The following ZNF804B variants were observed in gnomAD, a reference collection of about 807,000 sequenced individuals.
ZNF804B encodes zinc finger 804B.
A neutral mutation model predicts 101.4 loss-of-function variants in ZNF804B; 80 were observed. The observed-to-expected ratio is 0.79, with a 90% confidence interval of 0.66 to 0.95. The LOEUF is 0.95. ZNF804B is among the 40% of genes least tolerant of loss of function. The probability of loss-of-function intolerance (pLI) is 0.00; values close to 1 mark genes in which losing one functional copy is unlikely to be tolerated. For missense variants in ZNF804B, 1,673 were observed against 1,561.9 expected (o/e 1.07, Z -1.20); for synonymous variants, 622 against 558.8 (o/e 1.11, Z -1.59).
At chr7:89,181,018 ACT>A (rs1002024773) in intron 1 of ZNF804B, among the ~76,000 whole-genome samples, 2 of 150,050 alleles carry the variant, frequency 1.3e-5, no homozygotes, top group African/African-American at 4.9e-5. Flanking sequence ...GGGCCTTAAA[ACT>A]CTGCCTGGTA....
At chr7:88,865,228 CAA>C (rs10706264) in intron 1 of ZNF804B, among the ~76,000 whole-genome samples, 3,383 of 115,752 alleles carry the variant, frequency 0.029, 72 homozygotes, top group African/African-American at 0.07. Context: ...GACTTCGTAT[CAA>C]AAAAAAAAAA....
chr7:89,072,870 A>G (rs1789562979), intron 1 of ZNF804B, among the ~76,000 whole-genome samples: 1 of 152,110 alleles, frequency 6.6e-6, no homozygotes, highest in African/African-American at 2.4e-5. Context: ...CTCTTAAACT[A>G]TATATCATAA....
chr7:88,879,715 C>T lies in ZNF804B; in HGVS notation c.108+119631C>T, dbSNP rs1315411051. On this transcript the variant is annotated intron_variant, in intron 1 of 3. Transcript: ENST00000333190. ...TGGAAATTCAATTTTTAAAGCTTCC[C>T]GAGTTAAGTCTAAAGTGTAGGTAGA... 2.0e-5 allele frequency among the ~76,000 whole-genome samples: 3 copies of T among 151,920 alleles called. No homozygotes were observed. The South Asian group carries it at 6.2e-4, about 32-fold the overall frequency.
At chr7:89,292,941 G>A (rs1435589429) in intron 2 of ZNF804B, among the ~76,000 whole-genome samples, 1 of 151,890 alleles carries the variant, frequency 6.6e-6, no homozygotes, top group Non-Finnish European at 1.5e-5. Flanking sequence ...CTATAAAACA[G>A]TGGTGAGAAA....
At chr7:88,794,919 C>A (rs1324294142) in intron 1 of ZNF804B, 2 of 1,599,544 alleles carry the variant, frequency 1.3e-6, no homozygotes, top group Non-Finnish European at 1.7e-6. Context: ...TGCTGCCCTT[C>A]TGGTTATGGA....
chr7:88,768,028 T>A (rs1278794394), intron 1 of ZNF804B, among the ~76,000 whole-genome samples: 1 of 152,208 alleles, frequency 6.6e-6, no homozygotes, highest in Non-Finnish European at 1.5e-5. Flanking sequence ...TTGGGGTAAG[T>A]CTGCTGTCAT....
intron 2 of ZNF804B, among the ~76,000 whole-genome samples, chr7:89,236,771 T>A (rs1789288990): frequency 6.6e-6 from 1 of 152,164 alleles, no homozygotes; most frequent in Middle Eastern, 3.2e-3. Context: ...ACATGGCTCA[T>A]CTCGCTGTAT....
intron 1 of ZNF804B, among the ~76,000 whole-genome samples, chr7:88,859,925 A>G (rs1791622967): frequency 6.6e-6 from 1 of 151,868 alleles, no homozygotes; most frequent in Non-Finnish European, 1.5e-5. Flanking sequence ...CTTCAAAAAG[A>G]ATAAAGTTAT....
intron 2 of ZNF804B, among the ~76,000 whole-genome samples, chr7:89,254,771 C>T (rs1051319446): frequency 2.6e-5 from 4 of 151,624 alleles, no homozygotes; most frequent in Admixed American, 2.0e-4. Flanking sequence ...TCAGCGTCCC[C>T]AGTAGCTGGG....
intron 1 of ZNF804B, among the ~76,000 whole-genome samples, chr7:88,926,440 A>AAT (rs2116008785): frequency 6.6e-6 from 1 of 150,964 alleles, no homozygotes; most frequent in African/African-American, 2.4e-5. Context: ...TACAAAAAAA[A>AAT]AAAAAATAGC....
At chr7:89,313,062 C>G (rs551099129) in intron 2 of ZNF804B, among the ~76,000 whole-genome samples, 2 of 152,298 alleles carry the variant, frequency 1.3e-5, no homozygotes, top group South Asian at 2.1e-4. Flanking sequence ...GATTTCAGAA[C>G]AGGCTGGACT....
At chr7:89,179,855 A>C (rs1350189499) in intron 1 of ZNF804B, among the ~76,000 whole-genome samples, 1 of 152,186 alleles carries the variant, frequency 6.6e-6, no homozygotes, top group Non-Finnish European at 1.5e-5. Flanking sequence ...CCACATCTGC[A>C]TTAGAGGGTG....
intron 1 of ZNF804B, among the ~76,000 whole-genome samples, chr7:89,202,176 A>G (rs1028063915): frequency 6.6e-6 from 1 of 152,140 alleles, no homozygotes; most frequent in Non-Finnish European, 1.5e-5. Context: ...CAAGAGCACC[A>G]TAGAAATGTG....
At chr7:88,822,880 T>C (rs1464989980) in intron 1 of ZNF804B, among the ~76,000 whole-genome samples, 1 of 152,170 alleles carries the variant, frequency 6.6e-6, no homozygotes, top group African/African-American at 2.4e-5. Context: ...ATGGCAGATA[T>C]ATTGTTAGAA....
At chr7:89,087,901 T>A (rs961942593) in intron 1 of ZNF804B, among the ~76,000 whole-genome samples, 2 of 151,816 alleles carry the variant, frequency 1.3e-5, no homozygotes, top group African/African-American at 4.8e-5. Context: ...CATGTTCAAT[T>A]AGAAAATCTC....
At chr7:89,055,385 T>C (rs539877370) in intron 1 of ZNF804B, among the ~76,000 whole-genome samples, 56 of 152,152 alleles carry the variant, frequency 3.7e-4, no homozygotes, top group African/African-American at 1.2e-3. Flanking sequence ...AACGCTAAGA[T>C]CTGATTTGTA....
chr7:89,222,788 A>G (rs1212991261), intron 2 of ZNF804B, among the ~76,000 whole-genome samples: 3 of 151,952 alleles, frequency 2.0e-5, no homozygotes, highest in Non-Finnish European at 4.4e-5. Context: ...AATTTAACAC[A>G]GAATTTTAAA....
At chr7:89,052,335 A>T (rs1438383403) in intron 1 of ZNF804B, among the ~76,000 whole-genome samples, 2 of 151,880 alleles carry the variant, frequency 1.3e-5, no homozygotes, top group African/African-American at 4.8e-5. Context: ...TCAGTTTTAT[A>T]ATTTTTCTGT....
chr7:88,966,759 C>CAT (rs1793460048), intron 1 of ZNF804B, among the ~76,000 whole-genome samples: 1 of 151,180 alleles, frequency 6.6e-6, no homozygotes, highest in African/African-American at 2.4e-5. Flanking sequence ...CACACACATA[C>CAT]ATACACACAC....
Sources: allele counts gnomAD v4.1 joint callset (sites outside exome capture counted in the v4.1 genomes callset), GRCh38; gene constraint gnomAD v4.1.1; transcripts MANE v1.5; gene names NCBI Gene and HGNC (gene_info 2026-07-23, HGNC 2026-07-21).